Variants in ZNF469 observed in about 807,000 individuals in gnomAD.
ZNF469 encodes the protein zinc finger protein 469.
In ZNF469, 1 loss-of-function variant was observed where a neutral mutation model predicts 1.0. The ratio of observed to expected loss-of-function variants is 1.00; its 90% CI spans 0.35 to 4.73. The LOEUF (loss-of-function observed/expected upper bound fraction) is 4.73, where lower values mean the gene tolerates loss of function less well. ZNF469 is among the 30% of genes most tolerant of loss of function. The pLI, the probability that ZNF469 is intolerant of heterozygous loss-of-function variation, is 0.16. For synonymous variants in ZNF469, 2,703 were observed against 2,363.4 expected (o/e 1.14, Z -4.17); for missense variants, 6,100 against 5,356.3 (o/e 1.14, Z -4.33).
chr16:88,282,447 G>T, the ZNF469 span, among the ~76,000 whole-genome samples: 2 of 152,198 alleles, frequency 1.3e-5, no homozygotes, highest in Non-Finnish European at 2.9e-5. Flanking sequence ...CATGCCCGCA[G>T]TGCCTGTTGG....
chr16:88,380,483 G>GTCACACACAGACA (rs1486035365), upstream of ZNF469, among the ~76,000 whole-genome samples: 2,388 of 96,478 alleles, frequency 0.025, 79 homozygotes, highest in Non-Finnish European at 0.035. Flanking sequence ...TCACACATAC[G>GTCACACACAGACA]TGCACACACA....
the ZNF469 span, among the ~76,000 whole-genome samples, chr16:88,166,209 C>A: frequency 6.6e-6 from 1 of 152,160 alleles, no homozygotes; most frequent in Admixed American, 6.5e-5. This position sits in a 1 kb window ranked among gnomAD's most constrained non-coding sequence, Gnocchi z 4.5. Context: ...GCAGTCAACA[C>A]CCACACACCC....
chr16:88,268,375 T>C, the ZNF469 span, among the ~76,000 whole-genome samples: 2 of 152,178 alleles, frequency 1.3e-5, no homozygotes, highest in African/African-American at 4.8e-5. Flanking sequence ...CAGTCGTTTT[T>C]TCACCAACAT....
chr16:88,373,906 A>G, the ZNF469 span, among the ~76,000 whole-genome samples: 4 of 152,120 alleles, frequency 2.6e-5, no homozygotes, highest in African/African-American at 9.7e-5. Context: ...CTGAGGCAGG[A>G]TAATCGCTTG....
At chr16:88,151,077 G>C in the ZNF469 span, among the ~76,000 whole-genome samples, 1 of 152,260 alleles carries the variant, frequency 6.6e-6, no homozygotes, top group Non-Finnish European at 1.5e-5. This position sits in a 1 kb window ranked among gnomAD's most constrained non-coding sequence, Gnocchi z 5.4. Flanking sequence ...ACCCGTCCAG[G>C]TGAAGCCCCA....
chr16:88,333,228 T>C, the ZNF469 span, among the ~76,000 whole-genome samples: 1 of 152,060 alleles, frequency 6.6e-6, no homozygotes, highest in African/African-American at 2.4e-5. Flanking sequence ...AAACCAGGTG[T>C]GGTCTCCAAG....
the ZNF469 span, among the ~76,000 whole-genome samples, chr16:88,248,643 T>C: frequency 9.2e-5 from 14 of 152,338 alleles, no homozygotes; most frequent in African/African-American, 3.4e-4. Flanking sequence ...TAACATTAAA[T>C]AAAAGAGAGA....
the ZNF469 span, among the ~76,000 whole-genome samples, chr16:88,164,319 T>C: frequency 1.3e-5 from 2 of 151,488 alleles, no homozygotes; most frequent in South Asian, 4.2e-4. Context: ...GCAGGGATGA[T>C]AGATGTACAG....
At chr16:88,293,635 C>G in the ZNF469 span, among the ~76,000 whole-genome samples, 2 of 152,212 alleles carry the variant, frequency 1.3e-5, no homozygotes, top group African/African-American at 4.8e-5. Context: ...GCCATTTCTT[C>G]TTTCTAGAAT....
chr16:88,310,941 C>G, the ZNF469 span, among the ~76,000 whole-genome samples: 1 of 152,170 alleles, frequency 6.6e-6, no homozygotes, highest in South Asian at 2.1e-4. Flanking sequence ...CTGATGAACC[C>G]AACACTGATC....
chr16:88,198,184 G>A, the ZNF469 span, among the ~76,000 whole-genome samples: 6,492 of 152,312 alleles, frequency 0.043, 365 homozygotes, highest in East Asian at 0.21. Context: ...GCATTGCACG[G>A]GGTGAGATGC....
At chr16:88,319,726 A>G in the ZNF469 span, among the ~76,000 whole-genome samples, 1 of 152,184 alleles carries the variant, frequency 6.6e-6, no homozygotes, top group Admixed American at 6.5e-5. Flanking sequence ...TGCAGGGAGA[A>G]TAACAGGACA....
the ZNF469 span, among the ~76,000 whole-genome samples, chr16:88,222,770 C>A: frequency 1.7e-4 from 25 of 145,240 alleles, no homozygotes; most frequent in African/African-American, 2.5e-4. Context: ...AAAAAAAAAA[C>A]AAAAACATTC....
chr16:88,208,753 T>G, the ZNF469 span, among the ~76,000 whole-genome samples: 3 of 149,352 alleles, frequency 2.0e-5, no homozygotes, highest in Non-Finnish European at 4.5e-5. Flanking sequence ...ATCTATAATC[T>G]GTCCATAGTA....
chr16:88,417,853 C>T (rs1022547107), intron 1 of ZNF469, among the ~76,000 whole-genome samples: 3 of 152,188 alleles, frequency 2.0e-5, no homozygotes, highest in East Asian at 1.9e-4. Flanking sequence ...CGTGAGCCCA[C>T]GTGTGCATGG....
the ZNF469 span, among the ~76,000 whole-genome samples, chr16:88,130,316 T>G: frequency 6.6e-6 from 1 of 152,074 alleles, no homozygotes; most frequent in African/African-American, 2.4e-5. Flanking sequence ...ACAGCCGGTA[T>G]AGTCAGTTCT....
At chr16:88,321,654 C>T in the ZNF469 span, among the ~76,000 whole-genome samples, 11 of 151,330 alleles carry the variant, frequency 7.3e-5, no homozygotes, top group African/African-American at 2.7e-4. Context: ...ATGTGACCCT[C>T]GGATTCTGCT....
the ZNF469 span, among the ~76,000 whole-genome samples, chr16:88,229,074 C>G: frequency 6.6e-6 from 1 of 152,212 alleles, no homozygotes; most frequent in African/African-American, 2.4e-5. Flanking sequence ...GGACTGCAGA[C>G]TTTTCCAAAA....
intron 1 of ZNF469, among the ~76,000 whole-genome samples, chr16:88,396,972 A>AGGAGGAGACCCTCATGAAGGGAGGCCG (rs1904698504): frequency 1.2e-5 from 1 of 83,074 alleles, no homozygotes; most frequent in East Asian, 3.6e-4. Context: ...AAGGGAGGCC[A>AGGAGGAGACCCTCATGAAGGGAGGCCG]GGAGGAGACC....
Sources: gnomAD v4.1 joint callset for allele counts (sites outside exome capture counted in the v4.1 genomes callset) on GRCh38, gnomAD v4.1.1 for gene constraint, Gnocchi (gnomAD v3.1) non-coding constraint, MANE v1.5 for transcripts, NCBI Gene and HGNC (gene_info 2026-07-23, HGNC 2026-07-21) for gene names.